Variants in GRAMD2B observed in about 807,000 individuals in gnomAD.
GRAMD2B encodes GRAM domain containing 2B.
In GRAMD2B, 41 loss-of-function variants were observed where a neutral mutation model predicts 59.2. That is an observed-to-expected ratio of 0.69 (90% CI 0.54 to 0.90). GRAMD2B has a LOEUF of 0.90. Among genes scored for constraint, GRAMD2B ranks in the 40% least tolerant of loss-of-function variants. GRAMD2B has a pLI of 0.00. For synonymous variants in GRAMD2B, 161 were observed against 182.7 expected, an observed-to-expected ratio of 0.88 and a Z score of 0.96; for missense variants, 424 against 500.5, an observed-to-expected ratio of 0.85 and a Z score of 1.46.
At position 126,475,759 on chromosome 5, in the gene GRAMD2B, G is replaced by A. The variant is rs1312946710; in HGVS notation, c.487-1933G>A. On this transcript the variant is annotated intron_variant, in intron 5 of 13. Coordinates refer to ENST00000285689, the MANE Select transcript of GRAMD2B (RefSeq NM_023927.4). Reference sequence around the variant, plus strand: ...GCGGGCGGATCACCTGAGGTCGGGCGTTCAAGACCAGCCTGACCAACATGG... The same window carrying A: ...GCGGGCGGATCACCTGAGGTCGGGCATTCAAGACCAGCCTGACCAACATGG... Among the ~76,000 whole-genome samples the A allele has an allele frequency of 3.9e-5, 6 of 152,176 alleles. No homozygotes were observed. In the East Asian group the frequency reaches 7.7e-4, roughly 20 times the overall value.
intron 2 of GRAMD2B, among the ~76,000 whole-genome samples, chr5:126,468,063 C>A (rs1768795305): frequency 6.6e-6 from 1 of 152,166 alleles, no homozygotes. Flanking sequence ...ATTGTGAAAT[C>A]ATGGATTTTG....
intron 6 of GRAMD2B, among the ~76,000 whole-genome samples, chr5:126,478,835 TGGTGTGGGGGTGGC>T (rs1771150816): frequency 6.6e-6 from 1 of 152,190 alleles, no homozygotes; most frequent in Admixed American, 6.5e-5. Context: ...GAGGAGTTCC[TGGTGTGGGGGTGGC>T]CAGCCTCCCC....
In GRAMD2B at chr5:126,423,489, T is replaced by C; in HGVS notation, c.-118T>C. On this transcript the variant is annotated 5_prime_UTR_variant, in exon 1 of 14. Coordinates refer to ENST00000285689, the MANE Select transcript of GRAMD2B (RefSeq NM_023927.4). ...CGGCCTGGATGCGCTGGGCGGAGGG[T>C]GCAGGGGAGGGCACGGCGCCGCTTG... 2.0e-6 allele frequency: 3 copies of C among 1,519,170 alleles called. No individual in the cohort carries two copies. Among genetic ancestry groups the C allele is most frequent in the South Asian group, 1.2e-5 (1 of 80,340 alleles). The allele number at this position is 1,519,170 out of a possible 1,614,324, so 94.1% of individuals were successfully genotyped here. A position where few individuals can be genotyped will look rare whatever the true frequency, so the allele number is the denominator to read the frequency against.
chr5:126,485,365 G>A (rs1772705513), intron 10 of GRAMD2B, among the ~76,000 whole-genome samples: 1 of 152,096 alleles, frequency 6.6e-6, no homozygotes, highest in Admixed American at 6.5e-5. Context: ...AAATTTTCCA[G>A]TAAAACTCAA....
At chr5:126,470,573 T>C (rs1769359981) in intron 3 of GRAMD2B, among the ~76,000 whole-genome samples, 1 of 152,196 alleles carries the variant, frequency 6.6e-6, no homozygotes, top group Non-Finnish European at 1.5e-5. Context: ...TTCTCTTTTT[T>C]TTCAAGGCAG....
At chr5:126,435,143 A>C (rs896220755) in intron 1 of GRAMD2B, among the ~76,000 whole-genome samples, 6 of 152,220 alleles carry the variant, frequency 3.9e-5, no homozygotes, top group African/African-American at 1.4e-4. Flanking sequence ...TAAATGAGGT[A>C]TAAGTGTTGC....
chr5:126,400,646 G>T (rs1486086650), intron 1 of GRAMD2B, among the ~76,000 whole-genome samples: 3 of 152,096 alleles, frequency 2.0e-5, no homozygotes, highest in African/African-American at 7.2e-5. Context: ...CAGGTCTAAT[G>T]GTGATGAATT....
At chr5:126,434,678 C>T (rs991716836) in intron 1 of GRAMD2B, among the ~76,000 whole-genome samples, 25 of 152,104 alleles carry the variant, frequency 1.6e-4, no homozygotes, top group African/African-American at 4.6e-4. Context: ...CCACCACGCC[C>T]GGCTAATTTT....
intron 1 of GRAMD2B, among the ~76,000 whole-genome samples, chr5:126,444,103 C>G (rs988306964): frequency 6.6e-6 from 1 of 151,698 alleles, no homozygotes; most frequent in Admixed American, 6.6e-5. Context: ...ACTAATACCA[C>G]CACCACCACC....
chr5:126,362,960 T>C (rs532505287), intron 1 of GRAMD2B, among the ~76,000 whole-genome samples: 2 of 152,272 alleles, frequency 1.3e-5, no homozygotes, highest in Non-Finnish European at 2.9e-5. Context: ...AAAGAGAAAA[T>C]TGATAACCTG....
rs73334453 is a variant in GRAMD2B at position 126,444,974 on chromosome 5, G to A, written c.84-20452G>A. On this transcript the variant is annotated intron_variant, in intron 1 of 13. Transcript: ENST00000285689. ...TTGATTTTCTTTTCCTGCATTAGTT[G>A]GCCGAGAATGATGGCTTCCAGCTCC... Among the ~76,000 whole-genome samples the A allele has an allele frequency of 2.1e-3, 314 of 152,248 alleles. 2 individuals carry two copies. The highest frequency in any genetic ancestry group is 7.2e-3 in the African/African-American group (299 of 41,546).
intron 1 of GRAMD2B, among the ~76,000 whole-genome samples, chr5:126,399,669 G>A (rs1757658977): frequency 6.6e-6 from 1 of 152,032 alleles, no homozygotes; most frequent in Non-Finnish European, 1.5e-5. Flanking sequence ...GTGAAAATGG[G>A]CTAATACAAT....
intron 1 of GRAMD2B, among the ~76,000 whole-genome samples, chr5:126,447,671 G>GAAA (rs113356500): frequency 0.092 from 11,043 of 120,026 alleles, 787 homozygotes; most frequent in African/African-American, 0.2. Flanking sequence ...CTCAAAAAAA[G>GAAA]AAAAAAAAAA....
chr5:126,419,115 A>G (rs1759496166), upstream of GRAMD2B, among the ~76,000 whole-genome samples: 1 of 152,220 alleles, frequency 6.6e-6, no homozygotes, highest in Admixed American at 6.5e-5. Flanking sequence ...ATTTGACCAT[A>G]CATTGTGTAT....
chr5:126,360,510 C>T (rs187468187), intron 1 of GRAMD2B: 1 of 1,526,000 alleles, frequency 6.6e-7, no homozygotes, highest in East Asian at 2.5e-5. Flanking sequence ...TGGAGTGTGG[C>T]TTCTGTGGTT....
chr5:126,432,220 TA>T (rs1761680905), intron 1 of GRAMD2B, among the ~76,000 whole-genome samples: 1 of 152,198 alleles, frequency 6.6e-6, no homozygotes, highest in South Asian at 2.1e-4. Flanking sequence ...TGAGCCACCA[TA>T]ACCAGCCCTA....
chr5:126,385,594 C>A (rs1756052122), intron 1 of GRAMD2B, among the ~76,000 whole-genome samples: 1 of 152,216 alleles, frequency 6.6e-6, no homozygotes, highest in Non-Finnish European at 1.5e-5. Flanking sequence ...ATTATTTTCT[C>A]TGTGCCGGAA....
At chr5:126,408,865 G>A (rs1758503612) in intron 1 of GRAMD2B, among the ~76,000 whole-genome samples, 1 of 115,688 alleles carries the variant, frequency 8.6e-6, no homozygotes, top group South Asian at 2.9e-4. Flanking sequence ...ACAGTCCCCA[G>A]AGTGTGATGT....
At chr5:126,462,772 G>A (rs921017225) in intron 1 of GRAMD2B, among the ~76,000 whole-genome samples, 1 of 152,166 alleles carries the variant, frequency 6.6e-6, no homozygotes, top group Non-Finnish European at 1.5e-5. Context: ...TCAGCAGGCA[G>A]CATAGAGACT....
Sources: allele counts gnomAD v4.1 joint callset (sites outside exome capture counted in the v4.1 genomes callset), GRCh38; gene constraint gnomAD v4.1.1; transcripts MANE v1.5; gene names NCBI Gene and HGNC (gene_info 2026-07-23, HGNC 2026-07-21).